The following GRIA4 variants were observed in gnomAD, a reference collection of about 807,000 sequenced individuals.
The protein encoded by GRIA4 is glutamate ionotropic receptor AMPA type subunit 4, also known as glutamate receptor 4.
A neutral mutation model predicts 104.0 loss-of-function variants in GRIA4; 34 were observed. The observed-to-expected ratio is 0.33, with a 90% CI of 0.25 to 0.44. The LOEUF is 0.44. Among genes scored for constraint, GRIA4 ranks in the 20% least tolerant of loss-of-function variants. The pLI, the probability that GRIA4 is intolerant of heterozygous loss-of-function variation, is 1.00. For missense variants in GRIA4, 750 were observed against 1,096.5 expected, an observed-to-expected ratio of 0.68 and a Z score of 4.46; for synonymous variants, 386 against 381.9, an observed-to-expected ratio of 1.01 and a Z score of -0.13.
At chr11:105,764,660 G>T (rs567246093) in intron 4 of GRIA4, among the ~76,000 whole-genome samples, 45 of 152,054 alleles carry the variant, frequency 3.0e-4, no homozygotes, top group Non-Finnish European at 4.0e-4. Context: ...TGAAGAGTTA[G>T]CAGATTTTAA....
chr11:105,968,914 C>G (rs2136279039), intron 14 of GRIA4, among the ~76,000 whole-genome samples: 1 of 152,252 alleles, frequency 6.6e-6, no homozygotes, highest in African/African-American at 2.4e-5. Flanking sequence ...GTTATTCAAT[C>G]CTGGTTCTAG....
chr11:105,685,826 AG>A (rs1952862311), intron 3 of GRIA4, among the ~76,000 whole-genome samples: 1 of 149,340 alleles, frequency 6.7e-6, no homozygotes, highest in African/African-American at 2.5e-5. Context: ...CAATCAAAAA[AG>A]TCAACAGTAG....
At chr11:105,814,883 T>C (rs1943315385) in intron 4 of GRIA4, among the ~76,000 whole-genome samples, 1 of 152,030 alleles carries the variant, frequency 6.6e-6, no homozygotes, top group Non-Finnish European at 1.5e-5. Flanking sequence ...TATTTTCCTA[T>C]AACCACAGAG....
At chr11:105,760,851 AT>A (rs1209841473) in intron 4 of GRIA4, among the ~76,000 whole-genome samples, 4 of 151,784 alleles carry the variant, frequency 2.6e-5, no homozygotes, top group African/African-American at 7.3e-5. Context: ...ACCCTTTGGG[AT>A]TTTTTTCATG....
intron 3 of GRIA4, among the ~76,000 whole-genome samples, chr11:105,651,326 G>C (rs541873664): frequency 2.6e-5 from 4 of 151,518 alleles, no homozygotes; most frequent in Non-Finnish European, 4.4e-5. Context: ...TGAAGCATTT[G>C]TGCACTTATT....
chr11:105,639,507 G>GAA (rs1330098245), intron 3 of GRIA4, among the ~76,000 whole-genome samples: 1 of 151,758 alleles, frequency 6.6e-6, no homozygotes, highest in African/African-American at 2.4e-5. Flanking sequence ...AATATTAAAT[G>GAA]AAAAATTCCA....
At chr11:105,801,919 A>C (rs1437541793) in intron 4 of GRIA4, among the ~76,000 whole-genome samples, 2 of 152,170 alleles carry the variant, frequency 1.3e-5, no homozygotes, top group African/African-American at 4.8e-5. Flanking sequence ...AAAGGAAAAG[A>C]CATGAAGGAT....
At chr11:105,810,691 A>C (rs977395602) in intron 4 of GRIA4, among the ~76,000 whole-genome samples, 11 of 152,160 alleles carry the variant, frequency 7.2e-5, no homozygotes, top group African/African-American at 2.7e-4. Flanking sequence ...CCTGAGATAC[A>C]GCTGAACTAC....
chr11:105,880,928 C>CTAG (rs1002707011), intron 5 of GRIA4, among the ~76,000 whole-genome samples: 7 of 152,130 alleles, frequency 4.6e-5, no homozygotes, highest in Non-Finnish European at 8.8e-5. Flanking sequence ...ATTATCAATT[C>CTAG]TACTACTACA....
chr11:105,943,277 T>C (rs1430862443), intron 14 of GRIA4, among the ~76,000 whole-genome samples: 1 of 152,158 alleles, frequency 6.6e-6, no homozygotes, highest in Non-Finnish European at 1.5e-5. Context: ...GCAGGTCTTG[T>C]ATGCCTGTAA....
chr11:105,857,681 C>G (rs1945056449), intron 4 of GRIA4, among the ~76,000 whole-genome samples: 1 of 152,094 alleles, frequency 6.6e-6, no homozygotes, highest in Non-Finnish European at 1.5e-5. Context: ...CTTCTATATC[C>G]AGCATTCCAT....
chr11:105,660,181 A>G (rs1448739035), intron 3 of GRIA4, among the ~76,000 whole-genome samples: 3 of 151,710 alleles, frequency 2.0e-5, no homozygotes, highest in African/African-American at 7.2e-5. Context: ...ATAATTCCCT[A>G]GATCTCAAGA....
chr11:105,953,283 T>A (rs780747239), intron 14 of GRIA4, among the ~76,000 whole-genome samples: 1 of 152,244 alleles, frequency 6.6e-6, no homozygotes. Flanking sequence ...TCTTGATTAA[T>A]AAAATAGTCA....
intron 5 of GRIA4, among the ~76,000 whole-genome samples, chr11:105,864,380 C>T (rs925148567): frequency 1.3e-5 from 2 of 152,158 alleles, no homozygotes; most frequent in African/African-American, 2.4e-5. Context: ...TGTGTTTCAA[C>T]ATCCTTTTTC....
intron 4 of GRIA4, among the ~76,000 whole-genome samples, chr11:105,812,324 A>T (rs1943207896): frequency 1.3e-5 from 2 of 152,206 alleles, no homozygotes; most frequent in Non-Finnish European, 2.9e-5. Context: ...TTATGGGTAA[A>T]CCAGGTTTGG....
intron 3 of GRIA4, among the ~76,000 whole-genome samples, chr11:105,623,053 G>GTGTATATA (rs1162148034): frequency 6.3e-5 from 8 of 127,744 alleles, no homozygotes; most frequent in South Asian, 2.4e-4. Flanking sequence ...GTATTCCATT[G>GTGTATATA]TATATATATA....
intron 14 of GRIA4, among the ~76,000 whole-genome samples, chr11:105,958,530 G>C (rs1948648617): frequency 6.6e-6 from 1 of 152,152 alleles, no homozygotes; most frequent in Non-Finnish European, 1.5e-5. Context: ...TTTTATTAAG[G>C]ATTTTTGCAT....
In GRIA4 at chr11:105,616,027, G is replaced by C. The variant is rs148620014; in HGVS notation, c.247+3593G>C. Among the ~76,000 whole-genome samples the C allele has an allele frequency of 2.9e-4, 44 of 151,840 alleles. No homozygotes were observed. The East Asian group carries it at 5.2e-3, about 18-fold the overall frequency. ...TCCATAAATATTCAGATTCTGAAAT[G>C]AGTCATTTAAATCTCAGATGGCAAT... On this transcript the variant is annotated intron_variant, in intron 3 of 16. Coordinates refer to ENST00000282499, the MANE Select transcript of GRIA4 (RefSeq NM_000829.4).
Position 105,688,492 on chromosome 11 carries a change from C to T in GRIA4, c.248-64489C>T, listed in dbSNP as rs1952973250. ...AGGAGAATGGCGTGAACCTGGGGCA[C>T]GCGGAGCTTGTAGTGAGCCGAGATC... On this transcript the variant is annotated intron_variant, in intron 3 of 16. Coordinates refer to ENST00000282499, the MANE Select transcript of GRIA4 (RefSeq NM_000829.4). 1.3e-5 allele frequency among the ~76,000 whole-genome samples: 2 copies of T among 151,858 alleles called. 1 individual carries two copies. The highest frequency in any genetic ancestry group is 4.1e-4 in the South Asian group (2 of 4,822).
Sources: gnomAD v4.1 joint callset for allele counts (sites outside exome capture counted in the v4.1 genomes callset) on GRCh38, gnomAD v4.1.1 for gene constraint, MANE v1.5 for transcripts, NCBI Gene and HGNC (gene_info 2026-07-23, HGNC 2026-07-21) for gene names.